NCKAP5: variants seen among roughly 807,000 people sequenced by gnomAD.
NCKAP5 encodes the protein nck-associated protein 5.
Under a neutral mutation model 167.0 loss-of-function variants are expected in NCKAP5, and 92 were observed. That is an observed-to-expected ratio of 0.55 (90% CI 0.47 to 0.66). The LOEUF (loss-of-function observed/expected upper bound fraction) is 0.66, where lower values mean the gene tolerates loss of function less well. Among genes scored for constraint, NCKAP5 ranks in the 30% least tolerant of loss-of-function variants. The probability of loss-of-function intolerance (pLI) is 0.00; values close to 1 mark genes in which losing one functional copy is unlikely to be tolerated. For missense variants in NCKAP5, 2,378 were observed against 2,315.0 expected, an observed-to-expected ratio of 1.03 and a Z score of -0.56; for synonymous variants, 891 against 877.4, an observed-to-expected ratio of 1.02 and a Z score of -0.27.
intron 3 of NCKAP5, among the ~76,000 whole-genome samples, chr2:133,439,705 G>T (rs1690713220): frequency 1.3e-5 from 2 of 152,148 alleles, no homozygotes; most frequent in Admixed American, 1.3e-4. Flanking sequence ...CCTTGTCAAT[G>T]ATGAGTCAGT....
intron 2 of NCKAP5, among the ~76,000 whole-genome samples, chr2:133,528,896 C>T (rs542661640): frequency 5.5e-4 from 84 of 152,274 alleles, no homozygotes; most frequent in African/African-American, 1.7e-3. Context: ...CATTGTCTTT[C>T]GGAAGAGCCC....
chr2:133,256,321 A>G (rs1341217135), intron 4 of NCKAP5, among the ~76,000 whole-genome samples: 1 of 152,156 alleles, frequency 6.6e-6, no homozygotes, highest in Non-Finnish European at 1.5e-5. Context: ...CATCTAGATG[A>G]AACCCTTCAT....
At chr2:132,865,488 TAG>T (rs1208698638) in intron 10 of NCKAP5, among the ~76,000 whole-genome samples, 1 of 152,172 alleles carries the variant, frequency 6.6e-6, no homozygotes, top group Non-Finnish European at 1.5e-5. Flanking sequence ...CCCAAATATA[TAG>T]AGTCAGTTTT....
At chr2:132,715,851 G>A (rs1382303959) in intron 19 of NCKAP5, among the ~76,000 whole-genome samples, 1 of 152,180 alleles carries the variant, frequency 6.6e-6, no homozygotes, top group African/African-American at 2.4e-5. Flanking sequence ...CTGGGCAGGC[G>A]GGGGTGTCTG....
intron 5 of NCKAP5, among the ~76,000 whole-genome samples, chr2:133,139,408 G>C (rs188001119): frequency 6.6e-6 from 1 of 152,224 alleles, no homozygotes; most frequent in African/African-American, 2.4e-5. Context: ...ACTGATGAAA[G>C]TGACTGGCAT....
intron 6 of NCKAP5, among the ~76,000 whole-genome samples, chr2:133,067,278 A>G (rs1384380015): frequency 6.6e-6 from 1 of 152,244 alleles, no homozygotes; most frequent in African/African-American, 2.4e-5. Flanking sequence ...CTCCAGTTCT[A>G]TATTTTCAAA....
chr2:133,660,054 T>C, the NCKAP5 span, among the ~76,000 whole-genome samples: 5 of 152,296 alleles, frequency 3.3e-5, no homozygotes, highest in Admixed American at 6.5e-5. Flanking sequence ...CCCAAAGCAA[T>C]TGGACTAACA....
chr2:133,600,859 C>T, the NCKAP5 span, among the ~76,000 whole-genome samples: 5 of 152,224 alleles, frequency 3.3e-5, no homozygotes, highest in African/African-American at 1.2e-4. Flanking sequence ...ATTTAGGCCT[C>T]CCTCACCTGT....
At chr2:132,928,985 A>AAAAC (rs1287291195) in intron 8 of NCKAP5, among the ~76,000 whole-genome samples, 2 of 151,772 alleles carry the variant, frequency 1.3e-5, no homozygotes, top group Non-Finnish European at 2.9e-5. Context: ...AAAACAAAAC[A>AAAAC]AAACAAAACA....
intron 6 of NCKAP5, among the ~76,000 whole-genome samples, chr2:133,002,095 G>A (rs980293487): frequency 2.6e-5 from 4 of 152,118 alleles, no homozygotes; most frequent in African/African-American, 7.2e-5. Context: ...TCCTGGAATC[G>A]ATCCCCCATG....
chr2:133,229,699 T>C (rs561726845), intron 4 of NCKAP5, among the ~76,000 whole-genome samples: 2 of 152,302 alleles, frequency 1.3e-5, no homozygotes, highest in Admixed American at 1.3e-4. Flanking sequence ...CAGGCACTCT[T>C]GGCACCAAAG....
chr2:133,573,025 A>C (rs1688922739), upstream of NCKAP5, among the ~76,000 whole-genome samples: 1 of 152,236 alleles, frequency 6.6e-6, no homozygotes, highest in Admixed American at 6.5e-5. Context: ...CTTGGTAACC[A>C]TAACTTACAA....
chr2:132,704,270 C>T (rs571788544), intron 19 of NCKAP5, among the ~76,000 whole-genome samples: 1 of 152,226 alleles, frequency 6.6e-6, no homozygotes, highest in Admixed American at 6.5e-5. Flanking sequence ...CTACTTCCTG[C>T]TCCAGGAATG....
chr2:133,253,945 G>A (rs998451809), intron 4 of NCKAP5, among the ~76,000 whole-genome samples: 4 of 152,142 alleles, frequency 2.6e-5, no homozygotes, highest in Non-Finnish European at 4.4e-5. Flanking sequence ...TCTGCCTTCC[G>A]TCAACTCCAG....
At chr2:133,576,129 C>A in the NCKAP5 span, among the ~76,000 whole-genome samples, 1 of 152,198 alleles carries the variant, frequency 6.6e-6, no homozygotes, top group Non-Finnish European at 1.5e-5. Flanking sequence ...CAGCTACAGA[C>A]TTGAATGGGT....
intron 3 of NCKAP5, among the ~76,000 whole-genome samples, chr2:133,323,090 A>G (rs1400194055): frequency 6.6e-6 from 1 of 152,222 alleles, no homozygotes; most frequent in Non-Finnish European, 1.5e-5. Flanking sequence ...TATTCATTCA[A>G]CAAATGGACA....
At chr2:133,240,340 G>C (rs1333364022) in intron 4 of NCKAP5, among the ~76,000 whole-genome samples, 2 of 152,308 alleles carry the variant, frequency 1.3e-5, no homozygotes, top group Non-Finnish European at 2.9e-5. Context: ...ACTTAGAACA[G>C]TACAAGAGTG....
chr2:133,260,686 T>C (rs2088860640), intron 4 of NCKAP5, among the ~76,000 whole-genome samples: 1 of 152,054 alleles, frequency 6.6e-6, no homozygotes, highest in African/African-American at 2.4e-5. Context: ...CGGACGGAGG[T>C]AAAAAGAACT....
intron 8 of NCKAP5, among the ~76,000 whole-genome samples, chr2:132,935,865 G>A (rs775106181): frequency 1.3e-5 from 2 of 152,154 alleles, no homozygotes; most frequent in Non-Finnish European, 2.9e-5. Flanking sequence ...AGCAAAGAGA[G>A]TAAGAAATGG....
Sources: allele counts gnomAD v4.1 joint callset (sites outside exome capture counted in the v4.1 genomes callset), GRCh38; gene constraint gnomAD v4.1.1; transcripts MANE v1.5; gene names NCBI Gene and HGNC (gene_info 2026-07-23, HGNC 2026-07-21).